The following NALCN variants were observed in gnomAD, a reference collection of about 807,000 sequenced individuals.
NALCN encodes the protein sodium leak channel, non-selective, also known as sodium leak channel NALCN.
Under a neutral mutation model 225.3 loss-of-function variants are expected in NALCN, and 111 were observed. The ratio of observed to expected loss-of-function variants is 0.49; its 90% CI spans 0.42 to 0.58. NALCN has a LOEUF of 0.58. NALCN is among the 20% of genes least tolerant of loss of function. The pLI is 0.00. For synonymous variants in NALCN, 764 were observed against 769.0 expected, an observed-to-expected ratio of 0.99 and a Z score of 0.11; for missense variants, 1,378 against 2,202.4, an observed-to-expected ratio of 0.63 and a Z score of 7.49.
intron 27 of NALCN, among the ~76,000 whole-genome samples, chr13:101,096,585 G>T (rs2034515950): frequency 6.6e-6 from 1 of 152,136 alleles, no homozygotes; most frequent in Non-Finnish European, 1.5e-5. Flanking sequence ...AGGGATGGGG[G>T]TAATAGTTAA....
chr13:101,074,694 G>GAA (rs777926542), intron 35 of NALCN, 32 bp from the exon 36 acceptor site: 3 of 422,838 alleles, frequency 7.1e-6, no homozygotes, highest in South Asian at 6.8e-5. Context: ...CGGGGAGACA[G>GAA]AGAGAGAGAG....
intron 13 of NALCN, among the ~76,000 whole-genome samples, chr13:101,207,286 T>C (rs565105990): frequency 4.6e-5 from 7 of 152,216 alleles, no homozygotes; most frequent in Non-Finnish European, 7.3e-5. Context: ...AAACCAAATA[T>C]AGCAAATAAA....
At chr13:101,230,198 C>T (rs551292705) in intron 12 of NALCN, among the ~76,000 whole-genome samples, 27 of 152,248 alleles carry the variant, frequency 1.8e-4, no homozygotes, top group African/African-American at 5.8e-4. Flanking sequence ...TGACAAACAT[C>T]GAAAGCCAAA....
chr13:101,055,712 G>A (rs944718085), intron 43 of NALCN, among the ~76,000 whole-genome samples: 10 of 151,790 alleles, frequency 6.6e-5, no homozygotes, highest in South Asian at 2.1e-4. Flanking sequence ...GGAAAAAAAC[G>A]TGCTGCTCAC....
intron 6 of NALCN, among the ~76,000 whole-genome samples, chr13:101,351,126 A>G (rs2045896042): frequency 6.6e-6 from 1 of 152,206 alleles, no homozygotes; most frequent in Admixed American, 6.5e-5. Context: ...TGAATGAATG[A>G]ATGAATGTGT....
chr13:101,207,879 G>C (rs937722154), intron 13 of NALCN, among the ~76,000 whole-genome samples: 2 of 152,142 alleles, frequency 1.3e-5, no homozygotes, highest in Non-Finnish European at 2.9e-5. Context: ...TCACTCTTTG[G>C]GTCCGCACTG....
chr13:101,244,241 AAG>A (rs2041827300), intron 11 of NALCN, among the ~76,000 whole-genome samples: 1 of 152,178 alleles, frequency 6.6e-6, no homozygotes, highest in East Asian at 1.9e-4. Flanking sequence ...GAATGCCTGA[AAG>A]ATATTCCAAT....
At chr13:101,127,960 G>A (rs2036320464) in intron 17 of NALCN, among the ~76,000 whole-genome samples, 1 of 152,112 alleles carries the variant, frequency 6.6e-6, no homozygotes, top group Non-Finnish European at 1.5e-5. Flanking sequence ...TCTGGCTCTA[G>A]AAGATACTGA....
intron 36 of NALCN, 81 bp from the exon 37 acceptor site, chr13:101,073,758 A>C (rs2033064340): frequency 1.6e-6 from 2 of 1,223,368 alleles, no homozygotes; most frequent in Non-Finnish European, 2.3e-6. Flanking sequence ...CAACACCAAA[A>C]CAAGTGGAGG....
Position 101,390,343 on chromosome 13 carries a change from G to C in NALCN, c.291+4840C>G, listed in dbSNP as rs562801008. 2.7e-3 allele frequency among the ~76,000 whole-genome samples: 409 copies of C among 152,096 alleles called. 2 individuals are homozygous for C. Among genetic ancestry groups the C allele is most frequent in the African/African-American group, 9.3e-3 (387 of 41,524 alleles). On this transcript the variant is annotated intron_variant, in intron 3 of 43. Coordinates refer to ENST00000251127, the MANE Select transcript of NALCN (RefSeq NM_052867.4). Reference sequence around the variant, plus strand: ...TGAAAAAAGTATTTGAGAAAGAGGAGTGAAATACAGGGGACAGAGGAGTGA... The same window carrying C: ...TGAAAAAAGTATTTGAGAAAGAGGACTGAAATACAGGGGACAGAGGAGTGA...
intron 1 of NALCN, among the ~76,000 whole-genome samples, chr13:101,414,300 T>C (rs1198982652): frequency 1.3e-5 from 2 of 152,208 alleles, no homozygotes; most frequent in African/African-American, 4.8e-5. Context: ...TCCTGAAGGA[T>C]TCTTAGGCTC....
At chr13:101,146,348 C>T (rs141997719) in intron 15 of NALCN, among the ~76,000 whole-genome samples, 14 of 152,266 alleles carry the variant, frequency 9.2e-5, no homozygotes, top group South Asian at 4.1e-4. Flanking sequence ...GAGTGCTCAA[C>T]GCAGTAATGT....
Position 101,148,271 on chromosome 13 carries a change from G to T in NALCN, c.1840-3375C>A, listed in dbSNP as rs557779753. Among the ~76,000 whole-genome samples, 440 of 152,270 alleles carry T rather than the reference G, an allele frequency of 2.9e-3. 2 individuals are homozygous for T. Among genetic ancestry groups the T allele is most frequent in the South Asian group, 6.8e-3 (33 of 4,820 alleles). On this transcript the variant is annotated intron_variant, in intron 15 of 43. Coordinates refer to ENST00000251127, the MANE Select transcript of NALCN (RefSeq NM_052867.4). Reference sequence around the variant, plus strand: ...AGGCTCCAGGCGAGAGTCCTTCCTTGCCTTTCTCTTGTTTCTCATGATTCT... The same window carrying T: ...AGGCTCCAGGCGAGAGTCCTTCCTTTCCTTTCTCTTGTTTCTCATGATTCT...
intron 13 of NALCN, among the ~76,000 whole-genome samples, chr13:101,211,573 C>A (rs1446249476): frequency 6.6e-6 from 1 of 151,278 alleles, no homozygotes; most frequent in Non-Finnish European, 1.5e-5. Context: ...AAAAAAAAAC[C>A]CTAATGTTAT....
At chr13:101,288,042 G>A (rs761735619) in intron 9 of NALCN, among the ~76,000 whole-genome samples, 10 of 152,102 alleles carry the variant, frequency 6.6e-5, no homozygotes, top group Non-Finnish European at 1.0e-4. Flanking sequence ...AAAATTTATG[G>A]TTTTTCAAAA....
chr13:101,111,282 T>A, intron 18 of NALCN, 56 bp from the exon 19 acceptor site: 375 of 1,128,874 alleles, frequency 3.3e-4, no homozygotes, highest in Non-Finnish European at 4.5e-4. Flanking sequence ...TTGAGATGAA[T>A]AACACATAAG....
chr13:101,114,415 A>G (rs1338120635), intron 18 of NALCN, among the ~76,000 whole-genome samples: 2 of 149,770 alleles, frequency 1.3e-5, no homozygotes, highest in African/African-American at 5.0e-5. Context: ...CACTCTACAT[A>G]GCATATTCAT....
intron 7 of NALCN, among the ~76,000 whole-genome samples, chr13:101,301,179 G>A (rs570370807): frequency 4.7e-4 from 71 of 152,294 alleles, no homozygotes; most frequent in African/African-American, 1.5e-3. Context: ...TTGACAAGCC[G>A]GATGCTGACA....
At chr13:101,404,096 T>C (rs748387726) in intron 1 of NALCN, among the ~76,000 whole-genome samples, 37 of 152,348 alleles carry the variant, frequency 2.4e-4, no homozygotes, top group Admixed American at 9.1e-4. Context: ...CAACATACTG[T>C]ATTTAAAGGC....
Sources: allele counts gnomAD v4.1 joint callset (sites outside exome capture counted in the v4.1 genomes callset), GRCh38; gene constraint gnomAD v4.1.1; transcripts MANE v1.5; gene names NCBI Gene and HGNC (gene_info 2026-07-23, HGNC 2026-07-21).